LRRC4C: variants seen among roughly 807,000 people sequenced by gnomAD.
LRRC4C encodes leucine rich repeat containing 4C, also known as leucine-rich repeat-containing protein 4C.
Under a neutral mutation model 33.6 loss-of-function variants are expected in LRRC4C, and 5 were observed. The ratio of observed to expected loss-of-function variants is 0.15; its 90% CI spans 0.08 to 0.31. The LOEUF (loss-of-function observed/expected upper bound fraction) is 0.31, where lower values mean the gene tolerates loss of function less well. LRRC4C is among the 10% of genes least tolerant of loss of function. LRRC4C has a pLI of 1.00. For synonymous variants in LRRC4C, 329 were observed against 302.0 expected, an observed-to-expected ratio of 1.09 and a Z score of -0.93; for missense variants, 560 against 796.7, an observed-to-expected ratio of 0.70 and a Z score of 3.58.
intron 1 of LRRC4C, among the ~76,000 whole-genome samples, chr11:41,358,638 A>T (rs1952243713): frequency 6.6e-6 from 1 of 152,222 alleles, no homozygotes. Flanking sequence ...ACTAGATGAC[A>T]TCATATGCCA....
chr11:40,952,888 ACACACACACTCTCTCTCT>A (rs1323060497), intron 1 of LRRC4C, among the ~76,000 whole-genome samples: 12 of 55,186 alleles, frequency 2.2e-4, no homozygotes, highest in African/African-American at 4.5e-4. Context: ...ACACACACAC[ACACACACACTCTCTCTCT>A]CTCTCTCTCT....
At chr11:41,011,489 CTG>C (rs1450623119) in intron 1 of LRRC4C, among the ~76,000 whole-genome samples, 5 of 152,034 alleles carry the variant, frequency 3.3e-5, no homozygotes, top group Non-Finnish European at 2.9e-5. Context: ...ACTTTATTTT[CTG>C]TTTTTGTTAT....
chr11:40,944,906 A>G (rs888274027), intron 1 of LRRC4C, among the ~76,000 whole-genome samples: 13 of 151,870 alleles, frequency 8.6e-5, no homozygotes, highest in African/African-American at 2.4e-4. Context: ...TATCTTTCCT[A>G]TTCATTCCAG....
chr11:40,562,723 C>A (rs751303577), intron 3 of LRRC4C, among the ~76,000 whole-genome samples: 1 of 152,180 alleles, frequency 6.6e-6, no homozygotes, highest in Non-Finnish European at 1.5e-5. Context: ...CAACTTCAGA[C>A]CCTCTGCAGA....
At position 40,772,750 on chromosome 11, in the gene LRRC4C, T is replaced by C. The variant is rs1229683609; in HGVS notation, c.-406-124472A>G. On this transcript the variant is annotated intron_variant, in intron 2 of 6. Coordinates refer to ENST00000528697, the MANE Select transcript of LRRC4C (RefSeq NM_001258419.2). The stretch of plus-strand genomic sequence containing the variant: ...AACGTGAACCCTCATACACTGTTGA[T>C]GGTAGTGTAAATTAGTACAGCTACT... 2.6e-5 allele frequency among the ~76,000 whole-genome samples: 4 copies of C among 152,200 alleles called. No homozygotes were observed. In the East Asian group the frequency reaches 7.7e-4, roughly 29 times the overall value.
At chr11:40,878,113 T>G (rs1328315859) in intron 2 of LRRC4C, among the ~76,000 whole-genome samples, 1 of 152,074 alleles carries the variant, frequency 6.6e-6, no homozygotes, top group African/African-American at 2.4e-5. Context: ...CTGAGATAAG[T>G]GTGCAGTGTG....
intron 2 of LRRC4C, among the ~76,000 whole-genome samples, chr11:40,901,690 G>C (rs944306921): frequency 3.3e-5 from 5 of 151,976 alleles, no homozygotes; most frequent in African/African-American, 1.2e-4. Flanking sequence ...GAAAAGAATA[G>C]ATAGGAAGCA....
chr11:41,333,426 C>T (rs549629309), intron 1 of LRRC4C, among the ~76,000 whole-genome samples: 18 of 152,042 alleles, frequency 1.2e-4, no homozygotes, highest in East Asian at 1.9e-4. Flanking sequence ...TACATATTTG[C>T]GTATTTTAGG....
At chr11:40,386,518 A>G (rs917941039) in intron 3 of LRRC4C, among the ~76,000 whole-genome samples, 7 of 152,210 alleles carry the variant, frequency 4.6e-5, no homozygotes, top group African/African-American at 1.7e-4. Context: ...GGTTTGTTCA[A>G]TTACATTAGG....
intron 5 of LRRC4C, among the ~76,000 whole-genome samples, chr11:40,235,705 T>C (rs1275696969): frequency 6.6e-6 from 1 of 152,190 alleles, no homozygotes; most frequent in Non-Finnish European, 1.5e-5. Context: ...ATGACACTCA[T>C]TAATTGTGTA....
At chr11:40,485,462 G>A (rs1953810706) in intron 3 of LRRC4C, among the ~76,000 whole-genome samples, 1 of 151,738 alleles carries the variant, frequency 6.6e-6, no homozygotes, top group Non-Finnish European at 1.5e-5. Context: ...GCTAATTTGT[G>A]AAATGAATAT....
intron 2 of LRRC4C, among the ~76,000 whole-genome samples, chr11:40,862,250 T>C (rs553070196): frequency 1.3e-5 from 2 of 152,226 alleles, no homozygotes; most frequent in East Asian, 3.9e-4. Context: ...AGAAGGTAGG[T>C]GTTTGAAGTT....
intron 3 of LRRC4C, among the ~76,000 whole-genome samples, chr11:40,439,643 G>A (rs1461560354): frequency 1.3e-5 from 2 of 151,526 alleles, no homozygotes; most frequent in East Asian, 2.0e-4. Context: ...TAGCAGAGAC[G>A]GGGTTTCACC....
chr11:40,133,575 T>C (rs1856789476), intron 6 of LRRC4C, among the ~76,000 whole-genome samples: 1 of 152,218 alleles, frequency 6.6e-6, no homozygotes, highest in Admixed American at 6.5e-5. Flanking sequence ...TCTAACGCTA[T>C]ACCTACCAGG....
intron 4 of LRRC4C, among the ~76,000 whole-genome samples, chr11:40,298,477 G>A (rs10160576): frequency 0.58 from 85,955 of 149,020 alleles, 25,274 homozygotes; most frequent in East Asian, 0.78. Context: ...CTTGGACCAA[G>A]CATATTTCTT....
chr11:41,291,892 T>C (rs1196393708), intron 1 of LRRC4C, among the ~76,000 whole-genome samples: 1 of 152,200 alleles, frequency 6.6e-6, no homozygotes, highest in African/African-American at 2.4e-5. Flanking sequence ...GATTTCTTCA[T>C]ATAAAATCAT....
intron 4 of LRRC4C, among the ~76,000 whole-genome samples, chr11:40,273,038 A>C (rs531816988): frequency 6.6e-6 from 1 of 152,296 alleles, no homozygotes; most frequent in South Asian, 2.1e-4. Flanking sequence ...GTTTTGCAAA[A>C]TAAAAGTTTA....
intron 1 of LRRC4C, among the ~76,000 whole-genome samples, chr11:41,249,428 C>T (rs1338507657): frequency 6.6e-6 from 1 of 152,218 alleles, no homozygotes; most frequent in Non-Finnish European, 1.5e-5. Context: ...AGATGTCAAT[C>T]ACTCTTCTAA....
intron 4 of LRRC4C, among the ~76,000 whole-genome samples, chr11:40,312,516 A>C (rs769376875): frequency 6.6e-6 from 1 of 152,170 alleles, no homozygotes; most frequent in Non-Finnish European, 1.5e-5. Flanking sequence ...AGTGGTATTG[A>C]TAAGTAGACT....
Sources: gnomAD v4.1 joint callset for allele counts (sites outside exome capture counted in the v4.1 genomes callset) on GRCh38, gnomAD v4.1.1 for gene constraint, MANE v1.5 for transcripts, NCBI Gene and HGNC (gene_info 2026-07-23, HGNC 2026-07-21) for gene names.